The following CHODL variants were observed in gnomAD, a reference collection of about 807,000 sequenced individuals.
CHODL encodes the protein transmembrane protein MT75.
A neutral mutation model predicts 34.5 loss-of-function variants in CHODL; 29 were observed. That is an observed-to-expected ratio of 0.84 (90% CI 0.63 to 1.15). CHODL has a LOEUF of 1.15. Ranked by LOEUF, CHODL falls within the 50% of genes most tolerant of loss-of-function variation. The pLI, the probability that CHODL is intolerant of heterozygous loss-of-function variation, is 0.00. For missense variants in CHODL, 332 were observed against 332.5 expected, an observed-to-expected ratio of 1.00 and a Z score of 0.01; for synonymous variants, 125 against 116.1, an observed-to-expected ratio of 1.08 and a Z score of -0.49.
At chr21:18,111,090 G>A (rs1329708875) in intron 2 of CHODL, among the ~76,000 whole-genome samples, 1 of 152,110 alleles carries the variant, frequency 6.6e-6, no homozygotes, top group Non-Finnish European at 1.5e-5. Context: ...GACTTCTATT[G>A]AGTTTTCACT....
chr21:18,075,495 C>T (rs899536073), intron 2 of CHODL, among the ~76,000 whole-genome samples: 1 of 151,654 alleles, frequency 6.6e-6, no homozygotes, highest in Admixed American at 6.6e-5. Flanking sequence ...CCACTCCTTA[C>T]TACCTATGGG....
intron 1 of CHODL, among the ~76,000 whole-genome samples, chr21:17,934,184 A>G (rs1358378063): frequency 6.6e-6 from 1 of 152,102 alleles, no homozygotes; most frequent in Non-Finnish European, 1.5e-5. Flanking sequence ...ACCACTATGC[A>G]ATATATCCAT....
intron 1 of CHODL, among the ~76,000 whole-genome samples, chr21:17,995,511 C>G (rs2063840542): frequency 6.6e-6 from 1 of 152,212 alleles, no homozygotes; most frequent in Non-Finnish European, 1.5e-5. Context: ...AGTGTTCTCT[C>G]TCAGGTGCTC....
chr21:18,096,881 G>A (rs2065146380), intron 2 of CHODL, among the ~76,000 whole-genome samples: 1 of 152,032 alleles, frequency 6.6e-6, no homozygotes, highest in African/African-American at 2.4e-5. Context: ...AGCTCCAGGT[G>A]GTCCTACCAA....
chr21:18,226,195 T>C (rs1601170302), intron 2 of CHODL, among the ~76,000 whole-genome samples: 1 of 152,304 alleles, frequency 6.6e-6, no homozygotes, highest in East Asian at 1.9e-4. Context: ...GACTTTTCCT[T>C]CACACTTGGG....
chr21:18,205,658 T>C (rs1199441862), intron 2 of CHODL, among the ~76,000 whole-genome samples: 4 of 152,102 alleles, frequency 2.6e-5, no homozygotes. Context: ...GTCCATTGTT[T>C]CCTTCATCAT....
intron 1 of CHODL, among the ~76,000 whole-genome samples, chr21:17,969,881 GATA>G (rs1204508699): frequency 6.6e-6 from 1 of 152,132 alleles, no homozygotes; most frequent in Non-Finnish European, 1.5e-5. Flanking sequence ...TTGGGCCTCA[GATA>G]ATAATCTTAC....
intron 2 of CHODL, among the ~76,000 whole-genome samples, chr21:18,119,257 C>A (rs549271768): frequency 1.3e-5 from 2 of 151,488 alleles, no homozygotes; most frequent in East Asian, 3.9e-4. Flanking sequence ...CCCAGTCATC[C>A]GCTGATCTAG....
intron 2 of CHODL, among the ~76,000 whole-genome samples, chr21:18,173,487 A>G (rs2073255877): frequency 6.6e-6 from 1 of 152,228 alleles, no homozygotes; most frequent in Non-Finnish European, 1.5e-5. Context: ...AAGCATTACT[A>G]TAGAGTAATA....
intron 2 of CHODL, among the ~76,000 whole-genome samples, chr21:18,214,248 C>T (rs1477290750): frequency 6.6e-6 from 1 of 152,116 alleles, no homozygotes; most frequent in East Asian, 1.9e-4. Flanking sequence ...AAAGTCACCT[C>T]AGTTCTAAAG....
At chr21:18,260,841 CAACAACAAA>C (rs1213091981) in intron 4 of CHODL, among the ~76,000 whole-genome samples, 5 of 145,424 alleles carry the variant, frequency 3.4e-5, no homozygotes, top group Middle Eastern at 3.5e-3. Context: ...ACAACAACAA[CAACAACAAA>C]AAAACACCAC....
chr21:18,260,132 ATATT>A (rs1311516464), intron 3 of CHODL, 64 bp from the exon 4 acceptor site: 3 of 595,284 alleles, frequency 5.0e-6, no homozygotes, highest in Non-Finnish European at 7.7e-6. Flanking sequence ...ATATAATTTC[ATATT>A]TATATATATT....
At chr21:18,009,606 A>G (rs1469059430) in intron 1 of CHODL, among the ~76,000 whole-genome samples, 1 of 152,148 alleles carries the variant, frequency 6.6e-6, no homozygotes, top group Non-Finnish European at 1.5e-5. Flanking sequence ...ATACATTGAA[A>G]TTGTTGACTG....
intron 2 of CHODL, among the ~76,000 whole-genome samples, chr21:18,058,735 A>G (rs2064616092): frequency 6.6e-6 from 1 of 152,154 alleles, no homozygotes; most frequent in Non-Finnish European, 1.5e-5. Context: ...GCCTTTCATG[A>G]GCTCATGAGC....
At chr21:18,115,702 AG>A (rs1332893548) in intron 2 of CHODL, among the ~76,000 whole-genome samples, 1 of 152,188 alleles carries the variant, frequency 6.6e-6, no homozygotes, top group African/African-American at 2.4e-5. Context: ...TCCATGGTAA[AG>A]GTAAGTCCTC....
At chr21:18,180,381 G>A (rs1601112741) in intron 2 of CHODL, among the ~76,000 whole-genome samples, 1 of 152,098 alleles carries the variant, frequency 6.6e-6, no homozygotes, top group East Asian at 1.9e-4. Context: ...GTGGGCTCAA[G>A]CAATCCTCCT....
chr21:18,135,243 C>T (rs1377877907), intron 2 of CHODL, among the ~76,000 whole-genome samples: 6 of 152,096 alleles, frequency 3.9e-5, no homozygotes, highest in Admixed American at 2.0e-4. Context: ...TTACAGGTTG[C>T]CCTTTGCCAA....
intron 1 of CHODL, among the ~76,000 whole-genome samples, chr21:18,019,832 G>A (rs183082092): frequency 2.0e-5 from 3 of 152,194 alleles, no homozygotes; most frequent in East Asian, 3.9e-4. Flanking sequence ...GAATCAGCCC[G>A]TATGTGGACC....
At chr21:18,221,556 A>T (rs930781898) in intron 2 of CHODL, among the ~76,000 whole-genome samples, 1 of 152,158 alleles carries the variant, frequency 6.6e-6, no homozygotes, top group Non-Finnish European at 1.5e-5. Context: ...CTCTCTTTCA[A>T]TCATCTCAAT....
Sources: allele counts gnomAD v4.1 joint callset (sites outside exome capture counted in the v4.1 genomes callset), GRCh38; gene constraint gnomAD v4.1.1; transcripts MANE v1.5; gene names NCBI Gene and HGNC (gene_info 2026-07-23, HGNC 2026-07-21).